NEBL: variants seen among roughly 807,000 people sequenced by gnomAD.
NEBL encodes nebulette, also known as LIM and SH3 protein 2.
Under a neutral mutation model 140.2 loss-of-function variants are expected in NEBL, and 122 were observed. The observed-to-expected ratio is 0.87, with a 90% CI of 0.75 to 1.01. NEBL has a LOEUF of 1.01. Ranked by LOEUF, NEBL falls within the 50% of genes least tolerant of loss-of-function variation. The probability of loss-of-function intolerance (pLI) is 0.00; values close to 1 mark genes in which losing one functional copy is unlikely to be tolerated. For synonymous variants in NEBL, 436 were observed against 398.9 expected (o/e 1.09, Z -1.11); for missense variants, 1,365 against 1,231.3 (o/e 1.11, Z -1.62).
intron 1 of NEBL, among the ~76,000 whole-genome samples, chr10:21,269,298 G>A (rs1449499203): frequency 1.3e-5 from 2 of 152,122 alleles, no homozygotes; most frequent in African/African-American, 4.8e-5. Context: ...AAAGAAATTG[G>A]GCCCTCCTCC....
intron 4 of NEBL, among the ~76,000 whole-genome samples, chr10:20,942,543 T>G (rs1373821591): frequency 6.6e-6 from 1 of 152,132 alleles, no homozygotes; most frequent in Non-Finnish European, 1.5e-5. Flanking sequence ...GGACTTCATG[T>G]CTAAAACACC....
intron 2 of NEBL, chr10:21,172,292 A>G (rs1183290128): frequency 1.9e-5 from 19 of 982,592 alleles, no homozygotes; most frequent in Non-Finnish European, 3.1e-5. Context: ...CCTGGGTGAC[A>G]CAGTGAGTCA....
chr10:20,978,075 G>A (rs149522882), intron 3 of NEBL, among the ~76,000 whole-genome samples: 37 of 152,172 alleles, frequency 2.4e-4, no homozygotes, highest in African/African-American at 4.6e-4. Context: ...GGCTCCTAAC[G>A]CTTCAGGAAA....
chr10:20,889,536 AC>A (rs1238887076), intron 3 of NEBL, among the ~76,000 whole-genome samples: 8 of 152,212 alleles, frequency 5.3e-5, no homozygotes, highest in Non-Finnish European at 7.3e-5. Context: ...TCTAAAGTGA[AC>A]TATTGTGCCA....
At chr10:21,132,737 A>C (rs947244835) in intron 2 of NEBL, among the ~76,000 whole-genome samples, 3 of 152,202 alleles carry the variant, frequency 2.0e-5, no homozygotes, top group African/African-American at 7.2e-5. Context: ...AAGAGTGATG[A>C]TACCAGGCCT....
chr10:21,266,577 G>T (rs1027640640), intron 1 of NEBL, among the ~76,000 whole-genome samples: 7 of 152,222 alleles, frequency 4.6e-5, no homozygotes, highest in African/African-American at 1.7e-4. Flanking sequence ...CCTCACCTGA[G>T]TCCCAGGGTC....
At chr10:21,163,646 G>A (rs1343922669) in intron 2 of NEBL, among the ~76,000 whole-genome samples, 1 of 152,202 alleles carries the variant, frequency 6.6e-6, no homozygotes, top group African/African-American at 2.4e-5. Context: ...GGTTGCACCT[G>A]CCTTTGATGG....
chr10:20,787,757 C>G (rs1053937724), intron 26 of NEBL, among the ~76,000 whole-genome samples: 1 of 152,154 alleles, frequency 6.6e-6, no homozygotes, highest in African/African-American at 2.4e-5. Context: ...TCAAGACATA[C>G]AGCTGAATGT....
At position 21,224,835 on chromosome 10, in the gene NEBL, A is replaced by C. The variant is rs1434198409; in HGVS notation, n.348+23086T>G. ...CTGTTGGCATACAGAAATGCTACTG[A>C]TTTTTGTATGTTGGTTTTGTATCCT... On this transcript the variant is annotated intron_variant and non_coding_transcript_variant, in intron 3 of 8. Transcript: ENST00000675702. 2.6e-5 allele frequency among the ~76,000 whole-genome samples: 4 copies of C among 152,294 alleles called. 1 individual carries two copies. Among genetic ancestry groups the C allele is most frequent in the East Asian group, 3.9e-4 (2 of 5,180 alleles).
At chr10:21,260,687 C>T (rs73609244) in intron 1 of NEBL, among the ~76,000 whole-genome samples, 213 of 152,206 alleles carry the variant, frequency 1.4e-3, no homozygotes, top group African/African-American at 4.2e-3. Flanking sequence ...TTCTGAAGGT[C>T]GAGCCCTTCT....
chr10:21,189,461 G>A (rs1841535257), intron 3 of NEBL, among the ~76,000 whole-genome samples: 2 of 151,904 alleles, frequency 1.3e-5, no homozygotes, highest in Admixed American at 1.3e-4. Context: ...CTTTTTTTTG[G>A]TTTTGGTTTT....
intron 9 of NEBL, among the ~76,000 whole-genome samples, chr10:20,853,450 A>G (rs188718227): frequency 6.6e-6 from 1 of 152,356 alleles, no homozygotes; most frequent in African/African-American, 2.4e-5. Context: ...AATGTGGCAC[A>G]TATACACAAC....
chr10:21,007,747 G>A (rs1255070274), intron 3 of NEBL, among the ~76,000 whole-genome samples: 1 of 152,124 alleles, frequency 6.6e-6, no homozygotes, highest in Non-Finnish European at 1.5e-5. Flanking sequence ...CACTAAAACA[G>A]GTAAAGCCTC....
chr10:20,996,191 C>T (rs377643193), intron 3 of NEBL, among the ~76,000 whole-genome samples: 1 of 152,158 alleles, frequency 6.6e-6, no homozygotes, highest in Admixed American at 6.5e-5. Flanking sequence ...TGTGCCACTA[C>T]GATGTGATAC....
intron 2 of NEBL, among the ~76,000 whole-genome samples, chr10:21,121,260 T>G (rs1838560527): frequency 2.0e-5 from 3 of 152,188 alleles, no homozygotes; most frequent in Admixed American, 2.0e-4. Context: ...CCCTTAACAC[T>G]GTATAACTGT....
At chr10:21,087,377 C>T (rs1836683343) in intron 2 of NEBL, among the ~76,000 whole-genome samples, 1 of 151,852 alleles carries the variant, frequency 6.6e-6, no homozygotes, top group African/African-American at 2.4e-5. Flanking sequence ...TATTGATGAC[C>T]CAAGTTCATT....
intron 2 of NEBL, among the ~76,000 whole-genome samples, chr10:21,038,013 T>G (rs908174130): frequency 5.9e-5 from 9 of 152,142 alleles, no homozygotes; most frequent in Non-Finnish European, 1.2e-4. Flanking sequence ...AAAAGTAGAT[T>G]CTTCAGAAAC....
At chr10:21,255,657 A>C (rs1199129688) in intron 1 of NEBL, among the ~76,000 whole-genome samples, 1 of 152,132 alleles carries the variant, frequency 6.6e-6, no homozygotes, top group African/African-American at 2.4e-5. Flanking sequence ...ATTCCCCCTT[A>C]ACTATGATAA....
chr10:21,157,421 T>C (rs1293563162), intron 2 of NEBL, among the ~76,000 whole-genome samples: 1 of 151,916 alleles, frequency 6.6e-6, no homozygotes, highest in Admixed American at 6.6e-5. Flanking sequence ...ATACAAAAAA[T>C]TAGCTGGGTA....
Sources: gnomAD v4.1 joint callset for allele counts (sites outside exome capture counted in the v4.1 genomes callset) on GRCh38, gnomAD v4.1.1 for gene constraint, MANE v1.5 for transcripts, NCBI Gene and HGNC (gene_info 2026-07-23, HGNC 2026-07-21) for gene names.